CREBBP: variants seen among roughly 807,000 people sequenced by gnomAD.
CREBBP encodes the protein CREB binding lysine acetyltransferase.
Under a neutral mutation model 265.0 loss-of-function variants are expected in CREBBP, and 19 were observed. That is an observed-to-expected ratio of 0.07 (90% CI 0.05 to 0.11). The LOEUF (loss-of-function observed/expected upper bound fraction) is 0.11. Among genes scored for constraint, CREBBP ranks in the 10% least tolerant of loss-of-function variants. The pLI, the probability that CREBBP is intolerant of heterozygous loss-of-function variation, is 1.00. For synonymous variants in CREBBP, 1,457 were observed against 1,223.7 expected (o/e 1.19, Z -3.98); for missense variants, 2,525 against 3,219.0 (o/e 0.78, Z 5.22).
chr16:3,755,971 A>G (rs1486507385), intron 19 of CREBBP, among the ~76,000 whole-genome samples: 1 of 151,990 alleles, frequency 6.6e-6, no homozygotes, highest in South Asian at 2.1e-4. Context: ...TGTCAAAAGG[A>G]TTTTTTTTAA....
chr16:3,728,747 G>A lies in CREBBP; in HGVS notation c.6300C>T (p.Phe2100=), dbSNP rs2151304885. The A allele has an allele frequency of 6.2e-7, 1 of 1,613,908 alleles. No homozygotes were observed. The highest frequency in any genetic ancestry group is 8.5e-7 in the Non-Finnish European group (1 of 1,180,012). Residue 2100 remains phenylalanine (F), a synonymous_variant, in exon 31 of 31, where the codon TTC becomes TTT. Coordinates refer to ENST00000262367, the MANE Select transcript of CREBBP (RefSeq NM_004380.3). This position sits in a 1 kb window ranked among gnomAD's most constrained non-coding sequence, Gnocchi z 8.7. ...LKSNPQLMAA[F]IKQRTAKYVA... ...CGTACTTGGCTGTGCGCTGTTTGAT[G>A]AAAGCTGCCATTAGCTGCGGGTTTG...
chr16:3,837,164 A>G (rs2054469514), intron 2 of CREBBP, among the ~76,000 whole-genome samples: 1 of 152,146 alleles, frequency 6.6e-6, no homozygotes, highest in Non-Finnish European at 1.5e-5. Context: ...TCTCCCATAC[A>G]TGTTACTGCT....
intron 1 of CREBBP, among the ~76,000 whole-genome samples, chr16:3,856,919 T>C (rs1339185459): frequency 6.6e-6 from 1 of 151,946 alleles, no homozygotes; most frequent in Admixed American, 6.6e-5. Context: ...ACTCAGAGAG[T>C]ACTTAGTGAA....
rs2151316910 is a variant in CREBBP, at chr16:3,731,353, C to T, written c.5011G>A (p.Ala1671Thr). Residue 1671 changes from alanine to threonine, a missense_variant, in exon 30 of 31, where the codon GCC (alanine) becomes ACC (threonine). Around this residue, in one of 19 missense-constraint regions of CREBBP, gnomAD observed 62 missense variants for 156.2 expected, o/e 0.40. Transcript: ENST00000262367. The surrounding 1 kb of genome is among the most constrained non-coding windows in gnomAD (Gnocchi z 7.7). ...GAGAACTCCCAGTGCTTGTCTCTGG[C>T]GAGGGTGAGGAAGGCGTCGCGCCCA... Reference protein sequence around the residue: ...MDGRDAFLTLARDKHWEFSSL... With the variant: ...MDGRDAFLTLTRDKHWEFSSL... 3.1e-6 allele frequency: 5 copies of T among 1,613,666 alleles called. No homozygotes were observed. Among genetic ancestry groups the T allele is most frequent in the Admixed American group, 1.7e-5 (1 of 59,956 alleles).
Position 3,847,809 on chromosome 16 carries a change from C to G in CREBBP, c.798+2488G>C, listed in dbSNP as rs146039961. Among the ~76,000 whole-genome samples the G allele has an allele frequency of 5.3e-5, 8 of 152,278 alleles. 1 individual carries two copies. In the East Asian group the frequency reaches 1.5e-3, roughly 29 times the overall value. Reference sequence around the variant, plus strand: ...AAATTGTAAGGATCCCACAGACCAACAGAGAACAGATTCTTAAGAGGCATA... The same window carrying G: ...AAATTGTAAGGATCCCACAGACCAAGAGAGAACAGATTCTTAAGAGGCATA... On this transcript the variant is annotated intron_variant, in intron 2 of 30. Coordinates refer to ENST00000262367, the MANE Select transcript of CREBBP (RefSeq NM_004380.3).
intron 3 of CREBBP, among the ~76,000 whole-genome samples, chr16:3,805,820 C>T (rs924837702): frequency 6.6e-6 from 1 of 152,172 alleles, no homozygotes; most frequent in East Asian, 1.9e-4. Context: ...CTTTATTCCA[C>T]ATCAGAATCA....
At chr16:3,811,982 C>A (rs770196110) in intron 2 of CREBBP, among the ~76,000 whole-genome samples, 1 of 151,962 alleles carries the variant, frequency 6.6e-6, no homozygotes, top group Non-Finnish European at 1.5e-5. Flanking sequence ...AGCAGATTTT[C>A]GACTGGCAGG....
chr16:3,744,317 A>G (rs1198919240), intron 23 of CREBBP, among the ~76,000 whole-genome samples: 12 of 150,868 alleles, frequency 8.0e-5, no homozygotes, highest in Admixed American at 7.9e-4. Context: ...GCCCAGGGTT[A>G]GAGAGTGCTG....
intron 28 of CREBBP, among the ~76,000 whole-genome samples, chr16:3,733,817 T>C (rs1160587856): frequency 6.6e-6 from 1 of 152,166 alleles, no homozygotes; most frequent in African/African-American, 2.4e-5. Context: ...AATTTTTGTA[T>C]TTTTAGTAGA....
chr16:3,808,006 A>G (rs892220635), intron 3 of CREBBP, among the ~76,000 whole-genome samples: 7 of 151,966 alleles, frequency 4.6e-5, no homozygotes, highest in Admixed American at 2.6e-4. Flanking sequence ...CTTGTGAGAC[A>G]GTGGCCACCA....
chr16:3,765,868 T>C (rs550876427), intron 16 of CREBBP, among the ~76,000 whole-genome samples: 1 of 152,204 alleles, frequency 6.6e-6, no homozygotes, highest in Non-Finnish European at 1.5e-5. Flanking sequence ...GCTCTCGAAC[T>C]CCTGAGCTCC....
intron 13 of CREBBP, among the ~76,000 whole-genome samples, chr16:3,771,841 C>T (rs1342140613): frequency 4.0e-5 from 6 of 148,846 alleles, no homozygotes; most frequent in Admixed American, 2.0e-4. Context: ...GACAGAGTCT[C>T]GCTCTGTCAC....
chr16:3,847,878 C>G (rs1421818080), intron 2 of CREBBP, among the ~76,000 whole-genome samples: 1 of 152,164 alleles, frequency 6.6e-6, no homozygotes, highest in East Asian at 1.9e-4. Context: ...TCTATAAAAA[C>G]TACTTATAGG....
At position 3,833,746 on chromosome 16, in the gene CREBBP, T is replaced by C. The variant is rs75177520; in HGVS notation, c.798+16551A>G. Reference sequence around the variant, plus strand: ...ACTTACTGTAAAGCTAAAGTACAACTATGAAAGTTTCATCTATGAAACTTT... The same window carrying C: ...ACTTACTGTAAAGCTAAAGTACAACCATGAAAGTTTCATCTATGAAACTTT... On this transcript the variant is annotated intron_variant, in intron 2 of 30. Transcript: ENST00000262367. Among the ~76,000 whole-genome samples, 687 of 152,262 alleles carry C rather than the reference T, an allele frequency of 4.5e-3. 35 individuals are homozygous for C. In the East Asian group the frequency reaches 0.12, roughly 27 times the overall value.
rs1484172307 is a variant in CREBBP, at chr16:3,729,485, C to T, written c.5562G>A (p.Gln1854=). 6.2e-7 allele frequency: 1 copy of T among 1,614,192 alleles called. No homozygotes were observed. Among genetic ancestry groups the T allele is most frequent in the Non-Finnish European group, 8.5e-7 (1 of 1,180,016 alleles). The change falls in exon 31 of 31, where the codon CAG becomes CAA. Residue 1854 remains glutamine, a synonymous_variant. Coordinates refer to ENST00000262367, the MANE Select transcript of CREBBP (RefSeq NM_004380.3). ...LNIKHKLRQQ[Q]IQHRLQQAQL... The stretch of plus-strand genomic sequence containing the variant: ...GGGCCTGCTGCAGGCGGTGCTGGAT[C>T]TGCTGCTGGCGGAGCTTGTGTTTGA...
intron 5 of CREBBP, among the ~76,000 whole-genome samples, chr16:3,785,434 G>C (rs550965118): frequency 1.3e-5 from 2 of 152,334 alleles, no homozygotes; most frequent in South Asian, 4.1e-4. Context: ...ACTGCACCTT[G>C]GAACCCTGGG....
Position 3,731,024 on chromosome 16 carries a change from A to T in CREBBP, c.5172+168T>A, listed in dbSNP as rs1390342927. On this transcript the variant is annotated intron_variant, in intron 30 of 30. Coordinates refer to ENST00000262367, the MANE Select transcript of CREBBP (RefSeq NM_004380.3). The surrounding 1 kb of genome is among the most constrained non-coding windows in gnomAD (Gnocchi z 7.7). Reference sequence around the variant, plus strand: ...GTGGCTACACAGAGCAGGTTTAGGAAACACACACACAGCAACGCCTTCTGC... The same window carrying T: ...GTGGCTACACAGAGCAGGTTTAGGATACACACACACAGCAACGCCTTCTGC... Among the ~76,000 whole-genome samples the T allele has an allele frequency of 6.6e-6, 1 of 152,182 alleles. No homozygotes were observed. Among genetic ancestry groups the T allele is most frequent in the East Asian group, 1.9e-4 (1 of 5,200 alleles).
chr16:3,739,311 C>T, intron 25 of CREBBP: 1 of 508,272 alleles, frequency 2.0e-6, no homozygotes, highest in Non-Finnish European at 3.6e-6. Context: ...GCTGTCCCAT[C>T]CCAACTCCCC....
intron 2 of CREBBP, among the ~76,000 whole-genome samples, chr16:3,833,092 G>C (rs938284785): frequency 6.6e-6 from 1 of 152,172 alleles, no homozygotes; most frequent in Admixed American, 6.5e-5. Context: ...AATAAGACAA[G>C]GGAAGAACAC....
Sources: allele counts gnomAD v4.1 joint callset (sites outside exome capture counted in the v4.1 genomes callset), GRCh38; gene constraint gnomAD v4.1.1; regional missense constraint gnomAD v4.1.1; non-coding constraint Gnocchi (gnomAD v3.1); transcripts MANE v1.5; gene names NCBI Gene and HGNC (gene_info 2026-07-23, HGNC 2026-07-21).